The following CUL5 variants were observed in gnomAD, a reference collection of about 807,000 sequenced individuals.
The protein encoded by CUL5 is cullin 5.
A neutral mutation model predicts 108.8 loss-of-function variants in CUL5; 26 were observed. The observed-to-expected ratio is 0.24, with a 90% confidence interval of 0.18 to 0.33. The LOEUF is 0.33. Ranked by LOEUF, CUL5 falls within the 10% of genes least tolerant of loss-of-function variation. The probability of loss-of-function intolerance (pLI) is 1.00; values close to 1 mark genes in which losing one functional copy is unlikely to be tolerated. For synonymous variants in CUL5, 334 were observed against 298.0 expected (o/e 1.12, Z -1.25); for missense variants, 524 against 909.2 (o/e 0.58, Z 5.45).
intron 1 of CUL5, among the ~76,000 whole-genome samples, chr11:108,009,870 C>G (rs1466910366): frequency 6.6e-6 from 1 of 152,130 alleles, no homozygotes; most frequent in African/African-American, 2.4e-5. Context: ...CCACTCCACC[C>G]CCCTTCCTCC....
chr11:108,079,196 C>T (rs1043330512), intron 11 of CUL5, among the ~76,000 whole-genome samples: 2 of 152,124 alleles, frequency 1.3e-5, no homozygotes, highest in Non-Finnish European at 2.9e-5. Context: ...CTTTACCTCC[C>T]GGATTCAAGC....
intron 4 of CUL5, among the ~76,000 whole-genome samples, chr11:108,050,466 A>C (rs989312718): frequency 2.0e-5 from 3 of 151,836 alleles, no homozygotes; most frequent in African/African-American, 7.3e-5. Context: ...TCCTGTGTTC[A>C]AGCAATTCTC....
At chr11:108,056,438 G>A (rs1863381207) in intron 7 of CUL5, among the ~76,000 whole-genome samples, 1 of 152,148 alleles carries the variant, frequency 6.6e-6, no homozygotes, top group Admixed American at 6.6e-5. Context: ...CGAGTTGGAT[G>A]TCTTTTCCCT....
At chr11:108,048,900 C>T (rs1002072143) in intron 3 of CUL5, among the ~76,000 whole-genome samples, 2 of 151,730 alleles carry the variant, frequency 1.3e-5, no homozygotes, top group Non-Finnish European at 1.5e-5. Flanking sequence ...CTCATGACCT[C>T]GTGATCTGCC....
chr11:108,089,683 TTAAG>T lies in CUL5; in HGVS notation c.1443+64_1443+67del. ...TACATTACATCATTTATATGTGTGCTTAAGTAATACATTTTGGAGATATTGTTAA... is the reference window on the plus strand; with the variant it reads ...TACATTACATCATTTATATGTGTGCTTAATACATTTTGGAGATATTGTTAA... On this transcript the variant is annotated intron_variant, in intron 13 of 18. Coordinates refer to ENST00000393094, the MANE Select transcript of CUL5 (RefSeq NM_003478.6). The T allele has an allele frequency of 2.1e-5, 19 of 902,240 alleles. No homozygotes were observed. In the South Asian group the frequency reaches 3.7e-4, roughly 18 times the overall value. The allele number at this position is 902,240 out of a possible 1,614,324, so 55.9% of individuals were successfully genotyped here.
intron 7 of CUL5, among the ~76,000 whole-genome samples, chr11:108,061,757 A>G (rs1863541897): frequency 1.3e-5 from 2 of 152,152 alleles, no homozygotes; most frequent in Admixed American, 6.6e-5. Flanking sequence ...TGCTATAAAG[A>G]TAACTACCTG....
intron 1 of CUL5, among the ~76,000 whole-genome samples, chr11:108,033,494 A>T (rs1862647077): frequency 6.6e-6 from 1 of 152,182 alleles, no homozygotes; most frequent in Admixed American, 6.5e-5. Flanking sequence ...CCTCCCAAAG[A>T]CATACTTTTT....
At position 108,050,001 on chromosome 11, in the gene CUL5, A is replaced by G; in HGVS notation, c.346A>G (p.Ile116Val). 2 of 1,613,720 alleles carry G rather than the reference A, an allele frequency of 1.2e-6. No homozygotes were observed. Among genetic ancestry groups the G allele is most frequent in the Non-Finnish European group, 1.7e-6 (2 of 1,179,770 alleles). ...ACCAAAACCTTTTTGTCAACTAGAG[A>G]TTACTTTAATGGGTAAACAGGGCAG... The part of the protein sequence containing the change: ...ILPKPFCQLE[I>V]TLMGKQGSNK... Residue 116 changes from isoleucine to valine, a missense_variant, in exon 4 of 19, where the codon ATT becomes GTT. By Grantham distance (29) the Ile-to-Val change is conservative. Coordinates refer to ENST00000393094, the MANE Select transcript of CUL5 (RefSeq NM_003478.6).
In CUL5 at chr11:108,033,929, T is replaced by G. The variant is rs1403077631; in HGVS notation, c.134+18T>G. The stretch of plus-strand genomic sequence containing the variant: ...CTGTTTTCGTAAGTACCCCACTAAT[T>G]CTGTTTGCTAGCATAAAGGAAATTT... On this transcript the variant is annotated intron_variant, in intron 2 of 18. Transcript: ENST00000393094. 9 of 1,474,898 alleles carry G rather than the reference T, an allele frequency of 6.1e-6. No individual in the cohort carries two copies. The highest frequency in any genetic ancestry group is 8.5e-6 in the Non-Finnish European group (9 of 1,064,132). The allele number at this position is 1,474,898 out of a possible 1,614,324, so 91.4% of individuals were successfully genotyped here.
intron 7 of CUL5, among the ~76,000 whole-genome samples, chr11:108,059,117 G>T (rs1863472279): frequency 6.6e-6 from 1 of 152,194 alleles, no homozygotes; most frequent in African/African-American, 2.4e-5. Context: ...GCCTTCAGCA[G>T]TCTTCCCACC....
At chr11:108,071,983 C>T (rs1259901826) in intron 8 of CUL5, among the ~76,000 whole-genome samples, 1 of 152,092 alleles carries the variant, frequency 6.6e-6, no homozygotes, top group Non-Finnish European at 1.5e-5. Flanking sequence ...TTGAGACCAG[C>T]TTGGGCAACA....
intron 7 of CUL5, among the ~76,000 whole-genome samples, chr11:108,068,929 G>A (rs1863756713): frequency 6.6e-6 from 1 of 152,098 alleles, no homozygotes; most frequent in African/African-American, 2.4e-5. Context: ...ATGACTTGAG[G>A]AGAGGAGAAT....
rs1319151287 is a variant in CUL5 at position 108,104,754 on chromosome 11, A to C, written c.*370A>C. On this transcript the variant is annotated 3_prime_UTR_variant, in exon 19 of 19. Transcript: ENST00000393094. ...CCTCTCTTAAAAAATGTACTTGCAC[A>C]AGGAAGGATCTTCAGATATTCATGC... 1 of 157,382 alleles carries C rather than the reference A, an allele frequency of 6.4e-6. No homozygotes were observed. The highest frequency in any genetic ancestry group is 1.4e-5 in the Non-Finnish European group (1 of 71,428). The allele number at this position is 157,382 out of a possible 1,614,324, so 9.7% of individuals were successfully genotyped here.
At chr11:108,016,090 AT>A (rs1451139144) in intron 1 of CUL5, among the ~76,000 whole-genome samples, 3 of 151,892 alleles carry the variant, frequency 2.0e-5, no homozygotes, top group African/African-American at 7.3e-5. Context: ...GGTCTGGCTA[AT>A]TTTTTATAGA....
chr11:108,051,438 TA>T (rs1863217707), intron 4 of CUL5, among the ~76,000 whole-genome samples: 1 of 152,190 alleles, frequency 6.6e-6, no homozygotes, highest in African/African-American at 2.4e-5. Context: ...TTCACATATC[TA>T]AAGGGGGGAT....
At chr11:108,073,543 C>T (rs762540665) in intron 10 of CUL5, 46 bp downstream of exon 10, 49 of 855,938 alleles carry the variant, frequency 5.7e-5, no homozygotes, top group South Asian at 1.1e-4. Context: ...AAGTTTTATT[C>T]TCATAATTTA....
Position 108,095,385 on chromosome 11 carries a change from C to G in CUL5, c.1744-145C>G, listed in dbSNP as rs1053344707. On this transcript the variant is annotated intron_variant, in intron 15 of 18. Transcript: ENST00000393094. ...GAGATGAGCGTGTATTCTGGGCAGTCATTAACGTCTTCTAAAATGTTTATT... is the reference window on the plus strand; with the variant it reads ...GAGATGAGCGTGTATTCTGGGCAGTGATTAACGTCTTCTAAAATGTTTATT... The G allele has an allele frequency of 6.6e-6, 4 of 601,872 alleles. No homozygotes were observed. The African/African-American group carries it at 7.5e-5, about 11-fold the overall frequency. The allele number at this position is 601,872 out of a possible 1,614,324, so 37.3% of individuals were successfully genotyped here.
intron 1 of CUL5, among the ~76,000 whole-genome samples, chr11:108,017,582 G>C (rs1204166674): frequency 6.6e-6 from 1 of 152,128 alleles, no homozygotes; most frequent in Non-Finnish European, 1.5e-5. Context: ...GGATGCGGAG[G>C]CTCACGCCTG....
intron 1 of CUL5, among the ~76,000 whole-genome samples, chr11:108,027,101 T>C (rs2135069264): frequency 6.6e-6 from 1 of 152,222 alleles, no homozygotes; most frequent in Admixed American, 6.5e-5. Context: ...GTCTGTACTC[T>C]TTCTAGTTTT....
Sources: allele counts gnomAD v4.1 joint callset (sites outside exome capture counted in the v4.1 genomes callset), GRCh38; gene constraint gnomAD v4.1.1; transcripts MANE v1.5; gene names NCBI Gene and HGNC (gene_info 2026-07-23, HGNC 2026-07-21).